The following KRT79 variants were observed in gnomAD, a reference collection of about 807,000 sequenced individuals.
The protein encoded by KRT79 is keratin, type II cytoskeletal 79.
KRT79 carries 51 observed loss-of-function variants against 49.0 expected under a neutral mutation model. That is an observed-to-expected ratio of 1.04 (90% CI 0.83 to 1.31). The LOEUF (loss-of-function observed/expected upper bound fraction) is 1.31, where lower values mean the gene tolerates loss of function less well. Ranked by LOEUF, KRT79 falls within the 40% of genes most tolerant of loss-of-function variation. The pLI is 0.00. For missense variants in KRT79, 728 were observed against 688.0 expected (o/e 1.06, Z -0.65); for synonymous variants, 312 against 286.6 (o/e 1.09, Z -0.90).
rs753519242 is a variant in KRT79, at chr12:52,822,000, C to G, written c.1480G>C (p.Gly494Arg). The G allele has an allele frequency of 7.4e-6, 12 of 1,614,094 alleles. No homozygotes were observed. The East Asian group carries it at 8.9e-5, about 12-fold the overall frequency. Residue 494 changes from glycine (G) to arginine (R), a missense_variant, in exon 9 of 9, where the codon GGG becomes CGG. Physicochemically the swap from Gly to Arg is moderately radical, Grantham distance 125. Coordinates refer to ENST00000330553, the MANE Select transcript of KRT79 (RefSeq NM_175834.3). ...CTGAATCCACCCTTGGTGGCCCCCC[C>G]ACTCCCACCCAGGGAGATGCCACCT... is the stretch of plus-strand genomic sequence containing the variant. ...FGGGISLGGS[G>R]GATKGGFSTN...
intron 4 of KRT79, among the ~76,000 whole-genome samples, chr12:52,827,240 T>C (rs1057221368): frequency 1.3e-5 from 2 of 150,276 alleles, no homozygotes; most frequent in Non-Finnish European, 3.0e-5. Flanking sequence ...TGGCGTCCCA[T>C]GTGCCTTTGC....
rs372099846 is a variant in KRT79, at chr12:52,823,974, G to T, written c.1059C>A (p.Asp353Glu). 8 of 1,614,180 alleles carry T rather than the reference G, an allele frequency of 5.0e-6. No homozygotes were observed. Among genetic ancestry groups the T allele is most frequent in the Non-Finnish European group, 5.9e-6 (7 of 1,180,046 alleles). The change falls in exon 6 of 9, where the codon GAC (aspartate) becomes GAA (glutamate). Residue 353 changes from aspartate (D) to glutamate (E), a missense_variant. By Grantham distance (45) the Asp-to-Glu change is conservative. Transcript: ENST00000330553. Reference sequence around the variant, plus strand: ...TCTCGTTCTTGGTGTCCCGCAGGTTGTCCCCATGCTTCCCAGCAGTCACCT... The same window carrying T: ...TCTCGTTCTTGGTGTCCCGCAGGTTTTCCCCATGCTTCCCAGCAGTCACCT... Reference protein sequence around the residue: ...ELQVTAGKHGDNLRDTKNEIA... With the variant: ...ELQVTAGKHGENLRDTKNEIA...
At position 52,830,321 on chromosome 12, in the gene KRT79, C is replaced by T. The variant is rs1422753523; in HGVS notation, c.699-29G>A. ...TTACACATGGGAGACTCAGGCCAGGCTCAGCCTGGCTCTGCCTTTCAGGCA... is the reference window on the plus strand; with the variant it reads ...TTACACATGGGAGACTCAGGCCAGGTTCAGCCTGGCTCTGCCTTTCAGGCA... On this transcript the variant is annotated intron_variant, in intron 2 of 8. Transcript: ENST00000330553. 3 of 1,607,398 alleles carry T rather than the reference C, an allele frequency of 1.9e-6. No homozygotes were observed. The African/African-American group carries it at 4.0e-5, about 21-fold the overall frequency.
rs1344325738 is a variant in KRT79, at chr12:52,830,275, T to C, written c.716A>G (p.Asn239Ser). 5 of 1,614,124 alleles carry C rather than the reference T, an allele frequency of 3.1e-6. No individual in the cohort carries two copies. The highest frequency in any genetic ancestry group is 4.2e-6 in the Non-Finnish European group (5 of 1,180,044). ...DFKNKYEDEI[N>S]KHTAAENEFV... ...CTCGTTCTCTGCAGCAGTGTGCTTG[T>C]TGATTTCATCCTCGTACCTGTTACA... Residue 239 changes from asparagine (N) to serine (S), a missense_variant, in exon 3 of 9, where the codon AAC becomes AGC. Physicochemically the swap from Asn to Ser is conservative, Grantham distance 46. Transcript: ENST00000330553.
At chr12:52,830,383 C>A (rs1940235648) in intron 2 of KRT79, 91 bp from the exon 3 acceptor site, 3 of 1,042,366 alleles carry the variant, frequency 2.9e-6, no homozygotes, top group African/African-American at 1.6e-5. Flanking sequence ...CCTGATGGGT[C>A]CCTCACTGAT....
chr12:52,831,682 A>G (rs1340129053), intron 1 of KRT79, 56 bp from the exon 2 acceptor site: 1 of 1,442,200 alleles, frequency 6.9e-7, no homozygotes, highest in Admixed American at 1.7e-5. Context: ...CAGAGGAGCC[A>G]AGGATGGGGT....
At chr12:52,825,142 G>T (rs2256838) in intron 4 of KRT79, among the ~76,000 whole-genome samples, 1 of 152,128 alleles carries the variant, frequency 6.6e-6, no homozygotes, top group East Asian at 1.9e-4. Context: ...TGGCTCCCAC[G>T]TGGGGCTCTG....
In KRT79 at chr12:52,822,048, C is replaced by T. The variant is rs143513246; in HGVS notation, c.1432G>A (p.Gly478Arg). ...CCTCCAAAGCTGGCTGCGCCACCTC[C>T]GCACACAGTGGTGGAGTTGCCAGTC... ...SVTGNSTTVC[G>R]GGAASFGGGI... Residue 478 changes from glycine to arginine, a missense_variant, in exon 9 of 9, where the codon GGA becomes AGA. By Grantham distance (125) the Gly-to-Arg change is moderately radical. Transcript: ENST00000330553. 2.9e-5 allele frequency: 47 copies of T among 1,614,012 alleles called. No homozygotes were observed. The highest frequency in any genetic ancestry group is 2.4e-4 in the African/African-American group (18 of 74,940).
In KRT79 at chr12:52,831,504, A is replaced by G; in HGVS notation, c.600T>C (p.Gly200=). 3.1e-6 allele frequency: 5 copies of G among 1,614,192 alleles called. No homozygotes were observed. The highest frequency in any genetic ancestry group is 4.2e-6 in the Non-Finnish European group (5 of 1,180,026). The change falls in exon 2 of 9, where the codon GGT becomes GGC. Residue 200 remains glycine (G), a synonymous_variant. Coordinates refer to ENST00000330553, the MANE Select transcript of KRT79 (RefSeq NM_175834.3). The part of the protein sequence containing the change: ...NLEPLFEAYL[G]SMRSTLDRLQ... ...GTCTGTCCAGCGTGCTCCGCATGCTACCCAGGTAGGCCTCAAAGAGGGGCT... is the reference window on the plus strand; with the variant it reads ...GTCTGTCCAGCGTGCTCCGCATGCTGCCCAGGTAGGCCTCAAAGAGGGGCT...
At chr12:52,822,433 G>A (rs1940106007) in intron 7 of KRT79, 54 bp from the exon 8 acceptor site, 6 of 1,261,390 alleles carry the variant, frequency 4.8e-6, no homozygotes, top group Non-Finnish European at 6.6e-6. Flanking sequence ...GTGCCCACAT[G>A]AAAACCCTCT....
In KRT79 at chr12:52,831,474, C is replaced by G; in HGVS notation, c.630G>C (p.Gln210His). 2.5e-6 allele frequency: 4 copies of G among 1,614,256 alleles called. No individual in the cohort carries two copies. Among genetic ancestry groups the G allele is most frequent in the African/African-American group, 1.3e-5 (1 of 75,072 alleles). The change falls in exon 2 of 9, where the codon CAG becomes CAC. Residue 210 changes from glutamine (Q) to histidine (H), a missense_variant. Transcript: ENST00000330553. ...CTGAGTCCAGCCTCCCCCGCTCGCT[C>G]TGAAGTCTGTCCAGCGTGCTCCGCA... ...GSMRSTLDRLQSERGRLDSEL... is the reference protein window; with the variant it reads ...GSMRSTLDRLHSERGRLDSEL...
chr12:52,831,963 C>T (rs1277001782), intron 1 of KRT79, among the ~76,000 whole-genome samples: 1 of 152,150 alleles, frequency 6.6e-6, no homozygotes, highest in Non-Finnish European at 1.5e-5. Flanking sequence ...TGTTTCTGAC[C>T]CCTAATTCTG....
Position 52,834,045 on chromosome 12 carries a change from A to G in KRT79, c.216T>C (p.Ser72=), listed in dbSNP as rs1213001910. ...LYNLGGHKSI[S]VSVAGGALLG... ...ACAAGGCCCCTCCGGCCACACTGACAGAGATACTCTTGTGGCCCCCCAAGT... is the reference window on the plus strand; with the variant it reads ...ACAAGGCCCCTCCGGCCACACTGACGGAGATACTCTTGTGGCCCCCCAAGT... Residue 72 remains serine, a synonymous_variant, in exon 1 of 9, where the codon TCT becomes TCC. Transcript: ENST00000330553. 5 of 1,613,272 alleles carry G rather than the reference A, an allele frequency of 3.1e-6. No individual in the cohort carries two copies.
chr12:52,830,211 C>T (rs373723806), intron 3 of KRT79, 21 bp downstream of exon 3: 1 of 1,614,080 alleles, frequency 6.2e-7, no homozygotes, highest in East Asian at 2.2e-5. Flanking sequence ...AGGACCACCT[C>T]CCCCACTCCA....
chr12:52,823,914 C>G lies in KRT79; in HGVS notation c.1119G>C (p.Gln373His), dbSNP rs758446879. The G allele has an allele frequency of 2.0e-5, 32 of 1,613,828 alleles. No homozygotes were observed. Among genetic ancestry groups the G allele is most frequent in the Middle Eastern group, 1.7e-4 (1 of 5,988 alleles). ...AELTRTIQRL[Q>H]GEADAAKKQC... The stretch of plus-strand genomic sequence containing the variant: ...GCTTCTTGGCTGCATCAGCCTCCCC[C>G]TGCAGCCTCTGGATAGTGCGGGTGA... The change falls in exon 6 of 9, where the codon CAG becomes CAC. Residue 373 changes from glutamine (Q) to histidine (H), a missense_variant. Coordinates refer to ENST00000330553, the MANE Select transcript of KRT79 (RefSeq NM_175834.3).
intron 4 of KRT79, among the ~76,000 whole-genome samples, chr12:52,828,017 G>A (rs567662015): frequency 6.6e-6 from 1 of 152,226 alleles, no homozygotes. Context: ...GCAGCAAATG[G>A]CCTGATTTTC....
chr12:52,821,837 G>A lies in KRT79; in HGVS notation c.*35C>T. 2 of 1,592,596 alleles carry A rather than the reference G, an allele frequency of 1.3e-6. No individual in the cohort carries two copies. Among genetic ancestry groups the A allele is most frequent in the Non-Finnish European group, 1.7e-6 (2 of 1,163,776 alleles). The stretch of plus-strand genomic sequence containing the variant: ...GCAGAGGTGGGGTGAGGAGGGCAGG[G>A]ACAGGATTGCAGGGGCCCTTGCAGG... On this transcript the variant is annotated 3_prime_UTR_variant, in exon 9 of 9. Transcript: ENST00000330553.
At position 52,821,564 on chromosome 12, in the gene KRT79, A is replaced by G; in HGVS notation, c.*308T>C. On this transcript the variant is annotated 3_prime_UTR_variant, in exon 9 of 9. Transcript: ENST00000330553. Reference sequence around the variant, plus strand: ...GAAGGGTCTTTGGGGACCACTCCCAATTTCTCTCTCTCCTAATGGCTTGAG... The same window carrying G: ...GAAGGGTCTTTGGGGACCACTCCCAGTTTCTCTCTCTCCTAATGGCTTGAG... 5.2e-6 allele frequency: 2 copies of G among 387,870 alleles called. No homozygotes were observed. The highest frequency in any genetic ancestry group is 9.5e-6 in the Non-Finnish European group (2 of 209,638). 24.0% of individuals were successfully genotyped at this position (387,870 alleles called of 1,614,324 possible).
At chr12:52,831,812 A>T (rs1940260598) in intron 1 of KRT79, among the ~76,000 whole-genome samples, 186 bp from the exon 2 acceptor site, 1 of 152,180 alleles carries the variant, frequency 6.6e-6, no homozygotes, top group African/African-American at 2.4e-5. Context: ...GTCCAATCTG[A>T]TGGAAAGAAC....
Sources: allele counts gnomAD v4.1 joint callset (sites outside exome capture counted in the v4.1 genomes callset), GRCh38; gene constraint gnomAD v4.1.1; transcripts MANE v1.5; gene names NCBI Gene and HGNC (gene_info 2026-07-23, HGNC 2026-07-21).